The following INTS4 variants were observed in gnomAD, a reference collection of about 807,000 sequenced individuals.
The protein encoded by INTS4 is MSTP093.
INTS4 carries 70 observed loss-of-function variants against 119.5 expected under a neutral mutation model. The observed-to-expected ratio is 0.59, with a 90% CI of 0.48 to 0.71. The LOEUF (loss-of-function observed/expected upper bound fraction) is 0.71. Ranked by LOEUF, INTS4 falls within the 30% of genes least tolerant of loss-of-function variation. INTS4 has a pLI of 0.00. For missense variants in INTS4, 867 were observed against 1,173.2 expected (o/e 0.74, Z 3.81); for synonymous variants, 316 against 419.6 (o/e 0.75, Z 3.02).
downstream of INTS4, among the ~76,000 whole-genome samples, chr11:77,878,361 CAA>C (rs35818983): frequency 3.2e-5 from 4 of 126,820 alleles, no homozygotes; most frequent in Admixed American, 8.1e-5. Context: ...GACTCCATCT[CAA>C]AAAAAAAAAA....
intron 7 of INTS4, among the ~76,000 whole-genome samples, chr11:77,958,205 T>C (rs1451466516): frequency 1.3e-5 from 2 of 151,336 alleles, no homozygotes; most frequent in African/African-American, 4.8e-5. Context: ...AAATAAAATA[T>C]TCTATAAATA....
intron 2 of INTS4, among the ~76,000 whole-genome samples, chr11:77,988,462 T>A (rs1856543877): frequency 6.6e-6 from 1 of 152,362 alleles, no homozygotes; most frequent in East Asian, 1.9e-4. Context: ...GGGAAGCTTA[T>A]GTTCCTGCAT....
At chr11:77,987,636 C>A (rs775260595) in intron 2 of INTS4, 4 of 451,066 alleles carry the variant, frequency 8.9e-6, no homozygotes, top group South Asian at 6.2e-5. Context: ...GAGGGCCAAG[C>A]AGGAGGGTTG....
At chr11:77,879,654 T>A (rs1951717319) in intron 22 of INTS4, among the ~76,000 whole-genome samples, 1 of 152,186 alleles carries the variant, frequency 6.6e-6, no homozygotes, top group African/African-American at 2.4e-5. Context: ...TCTGAAAACA[T>A]CTCATTCTTT....
In INTS4 at chr11:77,884,056, C is replaced by A; in HGVS notation, c.2593-104G>T. 4 of 1,183,932 alleles carry A rather than the reference C, an allele frequency of 3.4e-6. No homozygotes were observed. In the South Asian group the frequency reaches 5.6e-5, roughly 17 times the overall value. The allele number at this position is 1,183,932 out of a possible 1,614,324, so 73.3% of individuals were successfully genotyped here. On this transcript the variant is annotated intron_variant, in intron 21 of 22. Transcript: ENST00000534064. Reference sequence around the variant, plus strand: ...CCTCAAAACACAAGAAGAAACATGACACCAACTTTACTAAGATTGAGCCTT... The same window carrying A: ...CCTCAAAACACAAGAAGAAACATGAAACCAACTTTACTAAGATTGAGCCTT...
At chr11:77,895,428 A>T (rs1952467856) in intron 18 of INTS4, among the ~76,000 whole-genome samples, 1 of 151,038 alleles carries the variant, frequency 6.6e-6, no homozygotes, top group Admixed American at 6.6e-5. Flanking sequence ...CACAGGCAGC[A>T]GTCAATAAGT....
intron 2 of INTS4, among the ~76,000 whole-genome samples, chr11:77,982,486 G>A (rs192129714): frequency 6.6e-6 from 1 of 152,064 alleles, no homozygotes; most frequent in African/African-American, 2.4e-5. Flanking sequence ...TCTGGAGGAG[G>A]CAAGTGTGAC....
At chr11:77,963,995 C>A (rs768684866) in intron 4 of INTS4, among the ~76,000 whole-genome samples, 6 of 152,114 alleles carry the variant, frequency 3.9e-5, no homozygotes, top group Non-Finnish European at 8.8e-5. Context: ...CTAATGTATA[C>A]CCTCTTTTAA....
chr11:77,882,179 G>T (rs1298685143), intron 22 of INTS4, among the ~76,000 whole-genome samples: 7 of 152,252 alleles, frequency 4.6e-5, no homozygotes, highest in African/African-American at 1.7e-4. Flanking sequence ...GCCTCCCGAA[G>T]ATTACAGGTA....
In INTS4 at chr11:77,918,881, A is replaced by G. The variant is rs934889617; in HGVS notation, c.1862T>C (p.Val621Ala). The change falls in exon 15 of 23, where the codon GTG (valine) becomes GCG (alanine). Residue 621 changes from valine (V) to alanine (A), a missense_variant. By Grantham distance (64) the Val-to-Ala change is moderately conservative. Around this residue, in one of 5 missense-constraint regions of INTS4, gnomAD observed 262 missense variants for 376.0 expected, o/e 0.70. Transcript: ENST00000534064. ...QQFLQQSLER[V>A]YSLQHLDPQG... is the part of the protein sequence containing the mutation. ...AGGGTCCAAGTGCTGAAGACTATAC[A>G]CTCTTTCAAGGCTCTGCTGCAGGAA... 8.1e-6 allele frequency: 13 copies of G among 1,613,470 alleles called. No homozygotes were observed. The highest frequency in any genetic ancestry group is 1.1e-5 in the Non-Finnish European group (13 of 1,179,804).
chr11:77,989,818 G>A (rs1422552100), intron 2 of INTS4, among the ~76,000 whole-genome samples: 1 of 152,054 alleles, frequency 6.6e-6, no homozygotes, highest in Non-Finnish European at 1.5e-5. Context: ...AGGATCAATT[G>A]AGCCTCGGAG....
At chr11:77,912,278 C>T (rs1262121780) in intron 15 of INTS4, among the ~76,000 whole-genome samples, 2 of 151,354 alleles carry the variant, frequency 1.3e-5, no homozygotes, top group Non-Finnish European at 2.9e-5. Context: ...AGGAGAATTG[C>T]TTGAACCTGG....
At chr11:77,963,018 G>A (rs1013129866) in intron 4 of INTS4, among the ~76,000 whole-genome samples, 17 of 152,014 alleles carry the variant, frequency 1.1e-4, no homozygotes, top group African/African-American at 2.9e-4. Flanking sequence ...GTCTCAAACC[G>A]CGCCCCCTAA....
At chr11:77,913,307 ATTTT>A (rs565622764) in intron 15 of INTS4, among the ~76,000 whole-genome samples, 3 of 122,770 alleles carry the variant, frequency 2.4e-5, no homozygotes, top group African/African-American at 3.1e-5. Flanking sequence ...GTTAGTTTAA[ATTTT>A]TTTTTTTTTT....
chr11:77,895,527 GAAAAAAAAAAAAA>G (rs71046921), intron 18 of INTS4, among the ~76,000 whole-genome samples: 591 of 39,274 alleles, frequency 0.015, 11 homozygotes, highest in African/African-American at 0.046. Flanking sequence ...TTCTTTTCCT[GAAAAAAAAAAAAA>G]AAAAAAAAAA....
intron 8 of INTS4, among the ~76,000 whole-genome samples, chr11:77,953,637 G>A (rs1954248794): frequency 6.6e-6 from 1 of 151,166 alleles, no homozygotes; most frequent in South Asian, 2.1e-4. Flanking sequence ...AGGCTGGAGT[G>A]CAATGGCACA....
intron 15 of INTS4, among the ~76,000 whole-genome samples, chr11:77,913,145 A>T (rs1382145418): frequency 6.6e-6 from 1 of 152,170 alleles, no homozygotes; most frequent in Non-Finnish European, 1.5e-5. Context: ...GTCACTATTC[A>T]TACTGAGAAA....
chr11:77,989,494 C>T (rs1397500617), intron 2 of INTS4, among the ~76,000 whole-genome samples: 2 of 151,706 alleles, frequency 1.3e-5, no homozygotes, highest in Non-Finnish European at 1.5e-5. Flanking sequence ...TAAAATTCAG[C>T]GAAAAAATAG....
At chr11:77,876,832 T>A (rs1951608281), downstream of INTS4, 4 of 597,942 alleles carry the variant, frequency 6.7e-6, no homozygotes, top group South Asian at 8.1e-5. Context: ...CTTGGAGGAT[T>A]TTTATAAAAG....
Sources: gnomAD v4.1 joint callset for allele counts (sites outside exome capture counted in the v4.1 genomes callset) on GRCh38, gnomAD v4.1.1 for gene constraint, gnomAD v4.1.1 regional missense constraint, MANE v1.5 for transcripts, NCBI Gene and HGNC (gene_info 2026-07-23, HGNC 2026-07-21) for gene names.